USP49: variants seen among roughly 807,000 people sequenced by gnomAD.
USP49 encodes the protein ubiquitin specific peptidase 49.
A neutral mutation model predicts 58.6 loss-of-function variants in USP49; 24 were observed. The observed-to-expected ratio is 0.41, with a 90% CI of 0.30 to 0.58. USP49 has a LOEUF of 0.58. Ranked by LOEUF, USP49 falls within the 20% of genes least tolerant of loss-of-function variation. The pLI is 0.30. For synonymous variants in USP49, 408 were observed against 365.1 expected, an observed-to-expected ratio of 1.12 and a Z score of -1.34; for missense variants, 703 against 866.1, an observed-to-expected ratio of 0.81 and a Z score of 2.36.
rs1349054112 is a variant in USP49, at chr6:41,859,375, TC to T, written c.-29+12188del. Among the ~76,000 whole-genome samples, 8 of 152,346 alleles carry T rather than the reference TC, an allele frequency of 5.3e-5. No individual in the cohort carries two copies. The East Asian group carries it at 5.8e-4, about 11-fold the overall frequency. On this transcript the variant is annotated intron_variant, in intron 3 of 7. Coordinates refer to ENST00000682992, the MANE Select transcript of USP49 (RefSeq NM_001286554.2). ...CTATCCATTCCTTCCTTAGCCTGAC[TC>T]TTACTTATCCATCACATCTTGGTAT...
chr6:41,853,204 G>A (rs1774061514), intron 3 of USP49, among the ~76,000 whole-genome samples: 1 of 152,146 alleles, frequency 6.6e-6, no homozygotes, highest in African/African-American at 2.4e-5. Context: ...AAGAGCTGGG[G>A]GGGAGAATTT....
intron 3 of USP49, among the ~76,000 whole-genome samples, chr6:41,855,050 G>T (rs528995607): frequency 6.6e-6 from 1 of 151,692 alleles, no homozygotes; most frequent in Non-Finnish European, 1.5e-5. Flanking sequence ...CTGGGATTAC[G>T]GGTGTGAGCC....
At position 41,796,144 on chromosome 6, in the gene USP49, G is replaced by A. The variant is rs1290661102; in HGVS notation, c.*389C>T. On this transcript the variant is annotated 3_prime_UTR_variant, in exon 8 of 8. Coordinates refer to ENST00000682992, the MANE Select transcript of USP49 (RefSeq NM_001286554.2). ...TGTCCAGGACTGCTCACATCCGGAG[G>A]GTTCTTCTGGTGCTGCAAGGAGGTC... 1.0e-5 allele frequency: 2 copies of A among 191,624 alleles called. No homozygotes were observed. Among genetic ancestry groups the A allele is most frequent in the South Asian group, 1.1e-4 (1 of 9,064 alleles). The allele number at this position is 191,624 out of a possible 1,614,324, so 11.9% of individuals were successfully genotyped here.
At chr6:41,836,447 C>A (rs1297171793) in intron 3 of USP49, among the ~76,000 whole-genome samples, 1 of 152,100 alleles carries the variant, frequency 6.6e-6, no homozygotes, top group African/African-American at 2.4e-5. Context: ...AAGCATTCTA[C>A]CTGAGAACTG....
rs965738110 is a variant in USP49, at chr6:41,790,606, A to AT, written c.*5926_*5927insA. The AT allele has an allele frequency of 6.6e-6, 1 of 152,206 alleles. No individual in the cohort carries two copies. Among genetic ancestry groups the AT allele is most frequent in the Non-Finnish European group, 1.5e-5 (1 of 68,034 alleles). The allele number at this position is 152,206 out of a possible 1,614,324, so 9.4% of individuals were successfully genotyped here. ...TAATTGGAAAGGAGGGTCAGTATAT[A>AT]AGGACCACAGTGGCCTGTTAAGGAT... On this transcript the variant is annotated 3_prime_UTR_variant, in exon 8 of 8. Coordinates refer to ENST00000682992, the MANE Select transcript of USP49 (RefSeq NM_001286554.2).
In USP49 at chr6:41,865,000, A is replaced by G. The variant is rs1774285108; in HGVS notation, c.-29+6564T>C. On this transcript the variant is annotated intron_variant, in intron 3 of 7. Transcript: ENST00000682992. ...CTTCAAATAATAAAAAACAATTAGA[A>G]TAAATTTAACATCCTTTGGTATCTC... Among the ~76,000 whole-genome samples the G allele has an allele frequency of 2.6e-5, 4 of 152,178 alleles. No individual in the cohort carries two copies. In the South Asian group the frequency reaches 8.3e-4, roughly 32 times the overall value.
chr6:41,802,252 C>T (rs542580828), intron 5 of USP49, among the ~76,000 whole-genome samples: 2 of 151,978 alleles, frequency 1.3e-5, no homozygotes, highest in East Asian at 3.9e-4. Flanking sequence ...AAACTCCTGG[C>T]TTCAGGCAAT....
intron 3 of USP49, among the ~76,000 whole-genome samples, chr6:41,849,509 T>C (rs1582019429): frequency 6.6e-6 from 1 of 152,164 alleles, no homozygotes; most frequent in Non-Finnish European, 1.5e-5. Context: ...TCTTCTCAAG[T>C]GCACATGGAA....
intron 3 of USP49, among the ~76,000 whole-genome samples, chr6:41,846,311 T>A (rs1773923188): frequency 6.6e-6 from 1 of 152,052 alleles, no homozygotes; most frequent in Non-Finnish European, 1.5e-5. Flanking sequence ...AGTGAGACTC[T>A]GTCTGAAAAA....
chr6:41,819,475 A>G (rs1274042466), intron 3 of USP49, among the ~76,000 whole-genome samples: 1 of 152,152 alleles, frequency 6.6e-6, no homozygotes, highest in Non-Finnish European at 1.5e-5. Context: ...AAAAATACAT[A>G]CATATATACA....
Position 41,805,752 on chromosome 6 carries a change from ACCTT to A in USP49, c.1228_1231del (p.Lys410CysfsTer28), listed in dbSNP as rs1222405380. 6.2e-7 allele frequency: 1 copy of A among 1,613,862 alleles called. No individual in the cohort carries two copies. The highest frequency in any genetic ancestry group is 1.7e-5 in the Admixed American group (1 of 59,986). ...GCCCTCAGACTCGAGTTCCTGCTGC[ACCTT>A]GTGCAGCAGCTCGCAGAGAAATTCC... On this transcript the variant is annotated frameshift_variant, in exon 4 of 8. Coordinates refer to ENST00000682992, the MANE Select transcript of USP49 (RefSeq NM_001286554.2). LOFTEE classifies it high-confidence loss of function.
At chr6:41,875,155 T>A (rs561507534) in intron 2 of USP49, among the ~76,000 whole-genome samples, 1 of 151,990 alleles carries the variant, frequency 6.6e-6, no homozygotes, top group East Asian at 1.9e-4. Flanking sequence ...TAAAAATACA[T>A]ATAAATATAC....
At chr6:41,890,021 C>G (rs955403409) in intron 2 of USP49, among the ~76,000 whole-genome samples, 1 of 152,160 alleles carries the variant, frequency 6.6e-6, no homozygotes, top group Non-Finnish European at 1.5e-5. Context: ...AGGGCTGTTT[C>G]AAATTTCAAA....
intron 3 of USP49, among the ~76,000 whole-genome samples, chr6:41,859,134 C>T (rs1424358518): frequency 6.6e-6 from 1 of 152,202 alleles, no homozygotes; most frequent in African/African-American, 2.4e-5. Context: ...ATGTCATTCT[C>T]ACTGCCTTGG....
chr6:41,850,999 C>G (rs1774017845), intron 3 of USP49, among the ~76,000 whole-genome samples: 1 of 151,992 alleles, frequency 6.6e-6, no homozygotes, highest in Non-Finnish European at 1.5e-5. Context: ...AAATCAGTAA[C>G]CAAAAAACTG....
Position 41,857,840 on chromosome 6 carries a change from A to G in USP49, c.-29+13724T>C, listed in dbSNP as rs1406547789. Among the ~76,000 whole-genome samples, 10 of 152,242 alleles carry G rather than the reference A, an allele frequency of 6.6e-5. No homozygotes were observed. The East Asian group carries it at 9.6e-4, about 15-fold the overall frequency. ...ACACAGGCATTACATGCATACTTAC[A>G]TAGTTCATCAGTAAGTGAGGATTCA... On this transcript the variant is annotated intron_variant, in intron 3 of 7. Coordinates refer to ENST00000682992, the MANE Select transcript of USP49 (RefSeq NM_001286554.2).
chr6:41,884,259 G>A (rs1774668947), intron 2 of USP49, among the ~76,000 whole-genome samples: 1 of 152,006 alleles, frequency 6.6e-6, no homozygotes. Context: ...TCCTGACCTC[G>A]TGATCTGCCC....
chr6:41,870,562 G>T (rs1774395874), intron 3 of USP49, among the ~76,000 whole-genome samples: 2 of 151,326 alleles, frequency 1.3e-5, no homozygotes, highest in Non-Finnish European at 2.9e-5. Context: ...TTTTTAAGAA[G>T]GTCTTGCTCT....
intron 3 of USP49, among the ~76,000 whole-genome samples, chr6:41,823,517 C>A (rs1010786522): frequency 9.8e-5 from 15 of 152,320 alleles, no homozygotes; most frequent in African/African-American, 3.6e-4. Flanking sequence ...TTTCCATAAG[C>A]CGATGACTGC....
Sources: gnomAD v4.1 joint callset for allele counts (sites outside exome capture counted in the v4.1 genomes callset) on GRCh38, gnomAD v4.1.1 for gene constraint, MANE v1.5 for transcripts, NCBI Gene and HGNC (gene_info 2026-07-23, HGNC 2026-07-21) for gene names.